Variants in ATP2C2 observed in about 807,000 individuals in gnomAD.
The protein encoded by ATP2C2 is calcium-transporting ATPase type 2C member 2.
ATP2C2 carries 171 observed loss-of-function variants against 110.8 expected under a neutral mutation model. The observed-to-expected ratio is 1.54, with a 90% CI of 1.36 to 1.75. The LOEUF is 1.75. ATP2C2 is among the 40% of genes most tolerant of loss of function. The pLI is 0.00. For synonymous variants in ATP2C2, 804 were observed against 508.4 expected, an observed-to-expected ratio of 1.58 and a Z score of -7.82; for missense variants, 1,963 against 1,235.0, an observed-to-expected ratio of 1.59 and a Z score of -8.84.
chr16:84,373,446 G>A (rs1172611072), intron 1 of ATP2C2, among the ~76,000 whole-genome samples: 6 of 152,146 alleles, frequency 3.9e-5, no homozygotes, highest in Admixed American at 3.9e-4. Context: ...GTTGCAGTGA[G>A]CCAAGATTGC....
intron 6 of ATP2C2, among the ~76,000 whole-genome samples, chr16:84,412,255 TGTGTGTGTATGTATGTGTGTAC>T (rs1906382338): frequency 6.8e-6 from 1 of 147,760 alleles, no homozygotes; most frequent in Non-Finnish European, 1.5e-5. Flanking sequence ...TGATTGTGTA[TGTGTGTGTATGTATGTGTGTAC>T]GTGTGTGCAC....
At chr16:84,422,826 A>G in intron 9 of ATP2C2, 129 bp downstream of exon 9, 1 of 1,077,064 alleles carries the variant, frequency 9.3e-7, no homozygotes, top group Non-Finnish European at 1.3e-6. Context: ...TACTTTTTAA[A>G]CATTTAATTT....
chr16:84,448,466 G>A (rs1909960879), intron 16 of ATP2C2, 67 bp from the exon 17 acceptor site: 5 of 1,517,382 alleles, frequency 3.3e-6, no homozygotes, highest in Non-Finnish European at 4.5e-6. Context: ...TGTGCAGAGT[G>A]GGGTGATGGT....
chr16:84,447,638 A>G (rs1255294002), intron 16 of ATP2C2, among the ~76,000 whole-genome samples: 4 of 140,788 alleles, frequency 2.8e-5, no homozygotes, highest in Middle Eastern at 3.6e-3. Flanking sequence ...TTATATTAAC[A>G]TATTAATTAT....
intron 1 of ATP2C2, among the ~76,000 whole-genome samples, chr16:84,396,788 T>C (rs1377816389): frequency 1.3e-5 from 2 of 151,820 alleles, no homozygotes; most frequent in Non-Finnish European, 2.9e-5. Flanking sequence ...AAGAATGCAA[T>C]GTTGACTTAA....
At chr16:84,418,404 CACA>C (rs1907026667) in intron 7 of ATP2C2, among the ~76,000 whole-genome samples, 3 of 152,300 alleles carry the variant, frequency 2.0e-5, no homozygotes, top group Middle Eastern at 3.4e-3. Context: ...TGAACCCACA[CACA>C]ACCACCTTCA....
chr16:84,446,382 CA>C lies in ATP2C2; in HGVS notation c.1456del (p.Ser486ValfsTer9). The C allele has an allele frequency of 6.2e-7, 1 of 1,606,292 alleles. No individual in the cohort carries two copies. Among genetic ancestry groups the C allele is most frequent in the Non-Finnish European group, 8.5e-7 (1 of 1,177,098 alleles). On this transcript the variant is annotated frameshift_variant, in exon 16 of 27. Coordinates refer to ENST00000262429, the MANE Select transcript of ATP2C2 (RefSeq NM_014861.4). LOFTEE classifies it high-confidence loss of function. Reference protein sequence around the residue: ...SYIRKKEIPFSSEQKWMAVKC... With the variant: ...SYIRKKEIPFXSEQKWMAVKC... ...ATATAAGAAAAAAAGAGATTCCATT[CA>C]GTTCAGAGCAGAAGTGGATGGCGGT...
chr16:84,381,849 C>G (rs966953915), intron 1 of ATP2C2, among the ~76,000 whole-genome samples: 6 of 152,126 alleles, frequency 3.9e-5, no homozygotes, highest in African/African-American at 1.4e-4. Context: ...ACAAAAATCC[C>G]TGTAGAAATC....
At chr16:84,456,367 G>A (rs1181622961) in intron 21 of ATP2C2, among the ~76,000 whole-genome samples, 1 of 151,964 alleles carries the variant, frequency 6.6e-6, no homozygotes, top group Non-Finnish European at 1.5e-5. Flanking sequence ...GAGAGTGTAT[G>A]TGTCCACAGC....
chr16:84,420,539 C>G (rs1467089563), intron 7 of ATP2C2, among the ~76,000 whole-genome samples: 2 of 150,202 alleles, frequency 1.3e-5, no homozygotes, highest in Non-Finnish European at 3.0e-5. Context: ...AAATTCAGCT[C>G]AGGGTTCCCA....
At chr16:84,422,241 C>G (rs1462275648) in intron 7 of ATP2C2, 149 bp from the exon 8 acceptor site, 6 of 881,286 alleles carry the variant, frequency 6.8e-6, no homozygotes, top group Non-Finnish European at 1.0e-5. Flanking sequence ...TCCTGGAGGC[C>G]TCAGAGGCCG....
intron 2 of ATP2C2, among the ~76,000 whole-genome samples, chr16:84,399,376 C>G (rs1846522146): frequency 6.6e-6 from 1 of 152,202 alleles, no homozygotes; most frequent in South Asian, 2.1e-4. Context: ...AGAAAATGAG[C>G]TAGATTTTCT....
intron 16 of ATP2C2, among the ~76,000 whole-genome samples, chr16:84,447,799 T>C (rs934285909): frequency 6.8e-6 from 1 of 147,418 alleles, no homozygotes; most frequent in Non-Finnish European, 1.5e-5. Flanking sequence ...ATAAATAATA[T>C]ACAATACATA....
chr16:84,408,960 C>T (rs1906029251), intron 4 of ATP2C2, among the ~76,000 whole-genome samples: 1 of 152,168 alleles, frequency 6.6e-6, no homozygotes, highest in African/African-American at 2.4e-5. Flanking sequence ...GCCACCACCA[C>T]CTCTGCCTAG....
intron 1 of ATP2C2, among the ~76,000 whole-genome samples, chr16:84,380,726 C>T (rs938623140): frequency 6.6e-6 from 1 of 152,184 alleles, no homozygotes; most frequent in East Asian, 1.9e-4. Flanking sequence ...TTTTCCCTGC[C>T]TCTGTTTGTT....
intron 11 of ATP2C2, among the ~76,000 whole-genome samples, chr16:84,434,602 C>G (rs977447939): frequency 8.6e-5 from 13 of 151,686 alleles, no homozygotes; most frequent in African/African-American, 2.2e-4. Context: ...ACTGCAAGCT[C>G]CGCCTCCTGG....
Position 84,460,675 on chromosome 16 carries a change from C to T in ATP2C2, c.2355C>T (p.Asp785=). The change falls in exon 24 of 27, where the codon GAC becomes GAT. Residue 785 remains aspartate, a synonymous_variant. Coordinates refer to ENST00000262429, the MANE Select transcript of ATP2C2 (RefSeq NM_014861.4). ...PAQSLGVEPV[D]KDAFRQPPRS... is the part of the protein sequence containing the mutation. ...GCAGCTTGGGGGTAGAGCCCGTTGA[C>T]AAAGACGCCTTCAGGCAGCCACCAC... The T allele has an allele frequency of 6.2e-7, 1 of 1,614,234 alleles. No individual in the cohort carries two copies. Among genetic ancestry groups the T allele is most frequent in the Non-Finnish European group, 8.5e-7 (1 of 1,180,048 alleles).
intron 2 of ATP2C2, among the ~76,000 whole-genome samples, chr16:84,403,406 A>C (rs1905472354): frequency 6.6e-6 from 1 of 152,142 alleles, no homozygotes; most frequent in South Asian, 2.1e-4. Context: ...CCTGGGCTTA[A>C]GCAATCGTCC....
chr16:84,410,980 C>A (rs776679353), intron 6 of ATP2C2: 3 of 591,270 alleles, frequency 5.1e-6, no homozygotes, highest in Admixed American at 5.6e-5. Context: ...GCTCCATCAT[C>A]AGTGTCTAAA....
Sources: gnomAD v4.1 joint callset for allele counts (sites outside exome capture counted in the v4.1 genomes callset) on GRCh38, gnomAD v4.1.1 for gene constraint, MANE v1.5 for transcripts, NCBI Gene and HGNC (gene_info 2026-07-23, HGNC 2026-07-21) for gene names.